Variants in CADM2 observed in about 807,000 individuals in gnomAD.
The protein encoded by CADM2 is immunoglobulin superfamily member 4D.
A neutral mutation model predicts 49.8 loss-of-function variants in CADM2; 12 were observed. That is an observed-to-expected ratio of 0.24 (90% CI 0.15 to 0.39). The LOEUF is 0.39. Ranked by LOEUF, CADM2 falls within the 10% of genes least tolerant of loss-of-function variation. The pLI is 1.00. For missense variants in CADM2, 378 were observed against 492.3 expected (o/e 0.77, Z 2.20); for synonymous variants, 214 against 175.4 (o/e 1.22, Z -1.74).
At chr3:85,527,682 A>C (rs867519640) in intron 1 of CADM2, among the ~76,000 whole-genome samples, 1 of 152,106 alleles carries the variant, frequency 6.6e-6, no homozygotes. Context: ...GGTTGTTTTT[A>C]TAACATAACA....
intron 1 of CADM2, among the ~76,000 whole-genome samples, chr3:85,062,244 T>A (rs1036531680): frequency 1.3e-5 from 2 of 152,164 alleles, no homozygotes; most frequent in African/African-American, 4.8e-5. Context: ...CACTGTGCTT[T>A]ACTATTCTAC....
intron 1 of CADM2, among the ~76,000 whole-genome samples, chr3:85,644,091 T>G (rs1220374614): frequency 2.6e-5 from 4 of 152,174 alleles, no homozygotes; most frequent in Non-Finnish European, 5.9e-5. Flanking sequence ...TATCACAGGC[T>G]GACACACACT....
chr3:85,705,872 G>A (rs188725229), intron 1 of CADM2, among the ~76,000 whole-genome samples: 9 of 152,078 alleles, frequency 5.9e-5, no homozygotes, highest in Admixed American at 5.9e-4. Context: ...AATATTTTTT[G>A]TAGTGTATTC....
intron 1 of CADM2, among the ~76,000 whole-genome samples, chr3:85,098,645 C>T (rs1003694336): frequency 5.3e-5 from 8 of 152,122 alleles, no homozygotes; most frequent in African/African-American, 4.8e-5. Context: ...TAACTATATT[C>T]GTCCCTCAGT....
chr3:84,966,477 T>G (rs2030990543), intron 1 of CADM2, among the ~76,000 whole-genome samples: 1 of 152,104 alleles, frequency 6.6e-6, no homozygotes, highest in Admixed American at 6.6e-5. Context: ...AATTTTATTT[T>G]TTTTTAAAGT....
At chr3:85,074,583 T>A (rs983389449) in intron 1 of CADM2, among the ~76,000 whole-genome samples, 5 of 152,186 alleles carry the variant, frequency 3.3e-5, no homozygotes, top group Admixed American at 3.3e-4. Flanking sequence ...GTGTTCAATA[T>A]GTTTCTGTTG....
At chr3:85,000,804 A>T (rs1344615796) in intron 1 of CADM2, among the ~76,000 whole-genome samples, 1 of 151,104 alleles carries the variant, frequency 6.6e-6, no homozygotes, top group Non-Finnish European at 1.5e-5. Context: ...TACAGACACA[A>T]ATACATATAT....
chr3:86,038,604 A>G (rs1437250385), intron 8 of CADM2, among the ~76,000 whole-genome samples: 1 of 152,202 alleles, frequency 6.6e-6, no homozygotes, highest in Non-Finnish European at 1.5e-5. Context: ...TGTCCAAACC[A>G]TCTTCTCAAT....
chr3:85,248,253 A>T (rs572367536), intron 1 of CADM2, among the ~76,000 whole-genome samples: 1 of 152,078 alleles, frequency 6.6e-6, no homozygotes, highest in African/African-American at 2.4e-5. Context: ...CTTACATGCC[A>T]TTCACATTTC....
chr3:85,673,976 C>G (rs1413706284), intron 1 of CADM2, among the ~76,000 whole-genome samples: 2 of 152,110 alleles, frequency 1.3e-5, no homozygotes, highest in Non-Finnish European at 2.9e-5. Flanking sequence ...GTCACTCAAA[C>G]AGTTTATATC....
At chr3:85,955,074 T>G (rs866989717) in intron 7 of CADM2, among the ~76,000 whole-genome samples, 1 of 151,400 alleles carries the variant, frequency 6.6e-6, no homozygotes, top group African/African-American at 2.4e-5. Context: ...ATAAAGTTAC[T>G]GACTATATGA....
chr3:85,932,172 A>G (rs1171370489), intron 6 of CADM2, among the ~76,000 whole-genome samples: 2 of 151,992 alleles, frequency 1.3e-5, no homozygotes, highest in African/African-American at 4.8e-5. Context: ...ATAAATTAAC[A>G]AGAGTTCATG....
At chr3:85,964,493 T>C (rs1347608518) in intron 8 of CADM2, among the ~76,000 whole-genome samples, 3 of 151,794 alleles carry the variant, frequency 2.0e-5, no homozygotes, top group Non-Finnish European at 4.4e-5. Flanking sequence ...TAAGCATTAT[T>C]AAGCATTATT....
At chr3:85,909,501 T>G (rs893832309) in intron 5 of CADM2, among the ~76,000 whole-genome samples, 2 of 151,752 alleles carry the variant, frequency 1.3e-5, no homozygotes, top group Non-Finnish European at 2.9e-5. Flanking sequence ...GAAGAGTAAG[T>G]CCCACTATTC....
chr3:85,306,577 C>A (rs2044217325), intron 1 of CADM2, among the ~76,000 whole-genome samples: 1 of 151,602 alleles, frequency 6.6e-6, no homozygotes, highest in African/African-American at 2.4e-5. Flanking sequence ...TCATTCAAGC[C>A]ACTGTTTGTA....
At chr3:85,240,975 A>C (rs1267409520) in intron 1 of CADM2, among the ~76,000 whole-genome samples, 1 of 151,584 alleles carries the variant, frequency 6.6e-6, no homozygotes, top group Non-Finnish European at 1.5e-5. Context: ...TTTATCACTA[A>C]TGTTATCAGA....
At chr3:85,572,418 A>G (rs2062506715) in intron 1 of CADM2, among the ~76,000 whole-genome samples, 1 of 152,222 alleles carries the variant, frequency 6.6e-6, no homozygotes. Context: ...ATGTACCTAT[A>G]GGGTTCTCCA....
chr3:85,759,459 A>C (rs1223769981), intron 2 of CADM2, among the ~76,000 whole-genome samples: 1 of 152,126 alleles, frequency 6.6e-6, no homozygotes, highest in Non-Finnish European at 1.5e-5. Context: ...TAAGCAATAA[A>C]GATCACTCCT....
chr3:85,367,334 A>G (rs183093560), intron 1 of CADM2, among the ~76,000 whole-genome samples: 1 of 152,110 alleles, frequency 6.6e-6, no homozygotes, highest in Admixed American at 6.6e-5. Context: ...AAGGAATGCA[A>G]ACGAAATAGA....
Sources: allele counts gnomAD v4.1 joint callset (sites outside exome capture counted in the v4.1 genomes callset), GRCh38; gene constraint gnomAD v4.1.1; transcripts MANE v1.5; gene names NCBI Gene and HGNC (gene_info 2026-07-23, HGNC 2026-07-21).